Variants in KCNT2 observed in about 807,000 individuals in gnomAD.
The protein encoded by KCNT2 is potassium sodium-activated channel subfamily T member 2, also known as potassium channel subfamily T member 2.
Under a neutral mutation model 153.8 loss-of-function variants are expected in KCNT2, and 67 were observed. The observed-to-expected ratio is 0.44, with a 90% CI of 0.36 to 0.53. KCNT2 has a LOEUF of 0.53. KCNT2 is among the 20% of genes least tolerant of loss of function. The pLI, the probability that KCNT2 is intolerant of heterozygous loss-of-function variation, is 0.00. For missense variants in KCNT2, 975 were observed against 1,354.8 expected (o/e 0.72, Z 4.40); for synonymous variants, 500 against 458.8 (o/e 1.09, Z -1.15).
intron 12 of KCNT2, among the ~76,000 whole-genome samples, chr1:196,408,531 T>C (rs1672021059): frequency 6.6e-6 from 1 of 151,642 alleles, no homozygotes; most frequent in African/African-American, 2.4e-5. Context: ...ACCTTTCTAA[T>C]ATAAAGATTT....
rs544592222 is a variant in KCNT2 at position 196,447,112 on chromosome 1, T to G, written c.639-17355A>C. On this transcript the variant is annotated intron_variant, in intron 8 of 27. Coordinates refer to ENST00000294725, the MANE Select transcript of KCNT2 (RefSeq NM_198503.5). Reference sequence around the variant, plus strand: ...GTTTCATTTTTTCTTTCTCTTTCTTTCCATCTTCAATGAAATATTTTGCCT... The same window carrying G: ...GTTTCATTTTTTCTTTCTCTTTCTTGCCATCTTCAATGAAATATTTTGCCT... Among the ~76,000 whole-genome samples the G allele has an allele frequency of 7.9e-5, 12 of 151,720 alleles. No homozygotes were observed. The East Asian group carries it at 2.3e-3, about 30-fold the overall frequency.
intron 8 of KCNT2, among the ~76,000 whole-genome samples, chr1:196,432,426 C>T (rs890363347): frequency 1.3e-5 from 2 of 152,080 alleles, no homozygotes; most frequent in Non-Finnish European, 2.9e-5. Flanking sequence ...ACCCCAACTC[C>T]GTAAACGCTG....
chr1:196,459,555 C>CA (rs1474652997), intron 8 of KCNT2, among the ~76,000 whole-genome samples: 1 of 151,790 alleles, frequency 6.6e-6, no homozygotes, highest in African/African-American at 2.4e-5. Context: ...GTAACCATGG[C>CA]ACTAGCTCAA....
intron 26 of KCNT2, among the ~76,000 whole-genome samples, chr1:196,255,053 T>C (rs1157125869): frequency 1.3e-5 from 2 of 151,578 alleles, no homozygotes; most frequent in Non-Finnish European, 3.0e-5. Context: ...CTTGCCAATA[T>C]ATACTACTAG....
intron 1 of KCNT2, among the ~76,000 whole-genome samples, chr1:196,546,507 C>A (rs1657125350): frequency 6.6e-6 from 1 of 151,968 alleles, no homozygotes; most frequent in Admixed American, 6.6e-5. Flanking sequence ...TCTAAGTCAC[C>A]TCTGCTTATA....
At chr1:196,420,171 G>T (rs530338358) in intron 12 of KCNT2, among the ~76,000 whole-genome samples, 2 of 151,826 alleles carry the variant, frequency 1.3e-5, no homozygotes, top group Non-Finnish European at 2.9e-5. Flanking sequence ...TGTTATGCTA[G>T]ATTTAATTTC....
chr1:196,537,806 T>C (rs777668614), intron 1 of KCNT2, among the ~76,000 whole-genome samples: 4 of 152,202 alleles, frequency 2.6e-5, no homozygotes, highest in East Asian at 1.9e-4. Context: ...TATCCATATC[T>C]GTGAGTGTGT....
chr1:196,293,087 G>A (rs1424882017), intron 22 of KCNT2, among the ~76,000 whole-genome samples: 1 of 151,894 alleles, frequency 6.6e-6, no homozygotes, highest in Non-Finnish European at 1.5e-5. Flanking sequence ...TCTTTATACT[G>A]TAAATTATGA....
chr1:196,293,879 AAAC>A (rs1209106558), intron 22 of KCNT2, among the ~76,000 whole-genome samples: 260 of 138,070 alleles, frequency 1.9e-3, no homozygotes, highest in Non-Finnish European at 3.2e-3. Context: ...AAAAACAAAA[AAAC>A]AAAAAACAAA....
chr1:196,412,978 T>G (rs1246695819), intron 12 of KCNT2, among the ~76,000 whole-genome samples: 1 of 151,628 alleles, frequency 6.6e-6, no homozygotes, highest in East Asian at 1.9e-4. Context: ...TCAGAAAATG[T>G]CATTTTCTTA....
At chr1:196,262,720 A>C (rs1320214183) in intron 25 of KCNT2, among the ~76,000 whole-genome samples, 1 of 152,102 alleles carries the variant, frequency 6.6e-6, no homozygotes, top group African/African-American at 2.4e-5. Context: ...CAGAGAAAGA[A>C]AATAGCTAGT....
chr1:196,363,657 C>T (rs1667807581), intron 14 of KCNT2, among the ~76,000 whole-genome samples: 1 of 152,146 alleles, frequency 6.6e-6, no homozygotes. Flanking sequence ...TCCCTTTACA[C>T]ATACTGTCTT....
intron 1 of KCNT2, among the ~76,000 whole-genome samples, chr1:196,522,272 A>G (rs2148825015): frequency 6.6e-6 from 1 of 152,342 alleles, no homozygotes; most frequent in East Asian, 1.9e-4. Context: ...AATTTAGTTT[A>G]GGTGTCCATA....
chr1:196,317,171 T>C, intron 20 of KCNT2: 1 of 405,114 alleles, frequency 2.5e-6, no homozygotes, highest in Non-Finnish European at 5.0e-6. Context: ...GACAGGGTAT[T>C]ACCAAAGCCT....
intron 8 of KCNT2, among the ~76,000 whole-genome samples, chr1:196,440,556 G>A (rs1178715394): frequency 6.6e-6 from 1 of 151,936 alleles, no homozygotes; most frequent in East Asian, 1.9e-4. Context: ...CCTATAATTT[G>A]TGCTTTGTCT....
intron 14 of KCNT2, among the ~76,000 whole-genome samples, chr1:196,354,175 A>T (rs1358337696): frequency 6.6e-6 from 1 of 151,814 alleles, no homozygotes; most frequent in Non-Finnish European, 1.5e-5. Flanking sequence ...AAACTAAAGA[A>T]AAGCCTTGGT....
At chr1:196,591,528 T>C (rs1445987366) in intron 1 of KCNT2, among the ~76,000 whole-genome samples, 1 of 152,166 alleles carries the variant, frequency 6.6e-6, no homozygotes, top group African/African-American at 2.4e-5. Flanking sequence ...AGTTTTGCAT[T>C]CTGAAGACTC....
intron 1 of KCNT2, among the ~76,000 whole-genome samples, chr1:196,540,657 A>G (rs1656229387): frequency 6.6e-6 from 1 of 152,222 alleles, no homozygotes; most frequent in African/African-American, 2.4e-5. Context: ...TTCTACACAG[A>G]ATCATAAAAA....
intron 20 of KCNT2, among the ~76,000 whole-genome samples, chr1:196,319,151 A>G (rs1202763467): frequency 6.6e-6 from 1 of 151,746 alleles, no homozygotes; most frequent in Non-Finnish European, 1.5e-5. Context: ...AACGCTATCA[A>G]TGCATCACAA....
Sources: gnomAD v4.1 joint callset for allele counts (sites outside exome capture counted in the v4.1 genomes callset) on GRCh38, gnomAD v4.1.1 for gene constraint, MANE v1.5 for transcripts, NCBI Gene and HGNC (gene_info 2026-07-23, HGNC 2026-07-21) for gene names.